PCDHGA5: variants seen among roughly 807,000 people sequenced by gnomAD.
PCDHGA5 encodes the protein protocadherin gamma subfamily A, 5, also known as protocadherin gamma-A5.
A neutral mutation model predicts 56.7 loss-of-function variants in PCDHGA5; 36 were observed. That is an observed-to-expected ratio of 0.64 (90% CI 0.49 to 0.84). The LOEUF (loss-of-function observed/expected upper bound fraction) is 0.84, where lower values mean the gene tolerates loss of function less well. PCDHGA5 is among the 40% of genes least tolerant of loss of function. PCDHGA5 has a pLI of 0.00. For synonymous variants in PCDHGA5, 563 were observed against 520.2 expected, an observed-to-expected ratio of 1.08 and a Z score of -1.12; for missense variants, 1,305 against 1,201.5, an observed-to-expected ratio of 1.09 and a Z score of -1.27.
At chr5:141,468,668 C>T (rs993230755) in intron 1 of PCDHGA5, 1 of 149,910 alleles carries the variant, frequency 6.7e-6, no homozygotes, top group Admixed American at 6.7e-5. Context: ...AGATCAAGAC[C>T]ATCCTGGCTA....
intron 1 of PCDHGA5, chr5:141,390,018 C>A: frequency 2.5e-6 from 4 of 1,614,062 alleles, no homozygotes; most frequent in Non-Finnish European, 3.4e-6. Context: ...CATTGCCTTG[C>A]GCCTGCGACG....
At chr5:141,409,464 C>T in intron 1 of PCDHGA5, 1 of 1,613,940 alleles carries the variant, frequency 6.2e-7, no homozygotes, top group East Asian at 2.2e-5. Context: ...TACAATGTCA[C>T]CATCGTAGCC....
intron 1 of PCDHGA5, chr5:141,404,478 CAG>C (rs749664270): frequency 1.9e-6 from 3 of 1,613,412 alleles, no homozygotes; most frequent in Non-Finnish European, 2.5e-6. Context: ...TCTATTAACT[CAG>C]ACACTGGTGT....
intron 1 of PCDHGA5, chr5:141,410,295 T>G (rs1043971768): frequency 9.3e-6 from 15 of 1,613,864 alleles, no homozygotes; most frequent in Non-Finnish European, 1.3e-5. Context: ...GCCTTGGCCT[T>G]AATCTCAGTG....
intron 1 of PCDHGA5, chr5:141,389,406 G>A (rs1235613335): frequency 1.9e-6 from 3 of 1,613,632 alleles, no homozygotes; most frequent in South Asian, 2.2e-5. Flanking sequence ...CATAAGCGCG[G>A]AGAGCGGGGT....
intron 1 of PCDHGA5, chr5:141,468,629 G>A (rs1170355107): frequency 1.3e-5 from 2 of 152,140 alleles, no homozygotes; most frequent in African/African-American, 4.8e-5. Flanking sequence ...CACTTTGGGA[G>A]GCCGAGGTGG....
chr5:141,487,529 A>G lies in PCDHGA5; in HGVS notation c.2422-7278A>G, dbSNP rs772843725. ...TGCACCCACTCGGAGTGATAGCTTCATGATGGTGAAGTCACCCAGTGCACC... is the reference window on the plus strand; with the variant it reads ...TGCACCCACTCGGAGTGATAGCTTCGTGATGGTGAAGTCACCCAGTGCACC... On this transcript the variant is annotated intron_variant, in intron 1 of 3. Coordinates refer to ENST00000518069, the MANE Select transcript of PCDHGA5 (RefSeq NM_018918.3). The surrounding 1 kb of genome is among the most constrained non-coding windows in gnomAD (Gnocchi z 5.0). The G allele has an allele frequency of 2.0e-5, 32 of 1,614,168 alleles. No individual in the cohort carries two copies. Among genetic ancestry groups the G allele is most frequent in the Non-Finnish European group, 2.5e-5 (29 of 1,180,040 alleles).
Position 141,409,459 on chromosome 5 carries a change from T to C in PCDHGA5, c.2421+42708T>C, listed in dbSNP as rs139792503. On this transcript the variant is annotated intron_variant, in intron 1 of 3. Coordinates refer to ENST00000518069, the MANE Select transcript of PCDHGA5 (RefSeq NM_018918.3). ...ACCGAGAGCAGACACCAGAATACAA[T>C]GTCACCATCGTAGCCACTGACAGGG... 4.9e-3 allele frequency: 7,986 copies of C among 1,613,950 alleles called. 44 individuals are homozygous for C. The highest frequency in any genetic ancestry group is 9.4e-3 in the Admixed American group (567 of 60,028).
Position 141,490,705 on chromosome 5 carries a change from C to T in PCDHGA5, c.2422-4102C>T. 1 of 1,614,194 alleles carries T rather than the reference C, an allele frequency of 6.2e-7. No individual in the cohort carries two copies. Among genetic ancestry groups the T allele is most frequent in the South Asian group, 1.1e-5 (1 of 91,082 alleles). On this transcript the variant is annotated intron_variant, in intron 1 of 3. Coordinates refer to ENST00000518069, the MANE Select transcript of PCDHGA5 (RefSeq NM_018918.3). This position sits in a 1 kb window ranked among gnomAD's most constrained non-coding sequence, Gnocchi z 5.4. ...TCCAGACACTGGGGATAATGCCCGC[C>T]TCACCTACTCCATTGTAGGAAATCA...
In PCDHGA5 at chr5:141,375,919, C is replaced by A. The variant is rs746123042; in HGVS notation, c.2421+9168C>A. Reference sequence around the variant, plus strand: ...TGTCCTACCGCCTGCTCAAGGCCAGCGAGCCAGGACTTTTCTCAGTGGGCC... The same window carrying A: ...TGTCCTACCGCCTGCTCAAGGCCAGAGAGCCAGGACTTTTCTCAGTGGGCC... On this transcript the variant is annotated intron_variant, in intron 1 of 3. Coordinates refer to ENST00000518069, the MANE Select transcript of PCDHGA5 (RefSeq NM_018918.3). 2.5e-5 allele frequency: 40 copies of A among 1,613,612 alleles called. No homozygotes were observed. In the Middle Eastern group the frequency reaches 8.4e-4, roughly 34 times the overall value.
chr5:141,451,860 C>T, intron 1 of PCDHGA5, among the ~76,000 whole-genome samples: 1 of 151,832 alleles, frequency 6.6e-6, no homozygotes, highest in Non-Finnish European at 1.5e-5. Flanking sequence ...CAGCCTAGGC[C>T]ACAGAATGAA....
chr5:141,401,250 GA>G (rs1387561920), intron 1 of PCDHGA5, among the ~76,000 whole-genome samples: 4 of 152,148 alleles, frequency 2.6e-5, no homozygotes, highest in African/African-American at 9.7e-5. Flanking sequence ...GCTAAGACAG[GA>G]GAATTGCTTG....
chr5:141,485,689 G>A lies in PCDHGA5; in HGVS notation c.2422-9118G>A. On this transcript the variant is annotated intron_variant, in intron 1 of 3. Transcript: ENST00000518069. This position sits in a 1 kb window ranked among gnomAD's most constrained non-coding sequence, Gnocchi z 5.7. ...GCAATTCGATTAGCAGCTATAGGCT[G>A]AGCTCCAATGAACACTTTGCACTGG... The A allele has an allele frequency of 6.2e-7, 1 of 1,614,086 alleles. No individual in the cohort carries two copies. The highest frequency in any genetic ancestry group is 8.5e-7 in the Non-Finnish European group (1 of 1,179,970).
chr5:141,386,123 T>C (rs1477033454), intron 1 of PCDHGA5: 1 of 152,112 alleles, frequency 6.6e-6, no homozygotes, highest in African/African-American at 2.4e-5. Flanking sequence ...AAGTGGGAGA[T>C]TGGGGATACT....
rs950537869 is a variant in PCDHGA5, at chr5:141,432,150, A to G, written c.2422-62657A>G. 6.2e-7 allele frequency: 1 copy of G among 1,614,010 alleles called. No homozygotes were observed. On this transcript the variant is annotated intron_variant, in intron 1 of 3. Coordinates refer to ENST00000518069, the MANE Select transcript of PCDHGA5 (RefSeq NM_018918.3). The surrounding 1 kb of genome is among the most constrained non-coding windows in gnomAD (Gnocchi z 6.0). ...TCCTATTCCGCTTATATCCCAGAGA[A>G]CAATCCCAGAGGAGTTTCCCTCGTC...
chr5:141,413,248 GGGATTCCATGGGA>G (rs1349440144), intron 1 of PCDHGA5: 4 of 1,613,844 alleles, frequency 2.5e-6, no homozygotes, highest in Non-Finnish European at 2.5e-6. Context: ...CCTTTTCTTC[GGGATTCCATGGGA>G]GGCTGGAGCC....
chr5:141,372,217 T>A (rs1267940459), intron 1 of PCDHGA5: 1 of 1,613,564 alleles, frequency 6.2e-7, no homozygotes, highest in Admixed American at 1.7e-5. Context: ...TCCTACCACA[T>A]TGTGCAGGCC....
In PCDHGA5 at chr5:141,499,962, A is replaced by G. The variant is rs147527188; in HGVS notation, c.2480+5097A>G. Among the ~76,000 whole-genome samples the G allele has an allele frequency of 3.7e-3, 563 of 152,178 alleles. 5 individuals are homozygous for G. Among genetic ancestry groups the G allele is most frequent in the Admixed American group, 0.011 (164 of 15,288 alleles). On this transcript the variant is annotated intron_variant, in intron 2 of 3. Coordinates refer to ENST00000518069, the MANE Select transcript of PCDHGA5 (RefSeq NM_018918.3). ...CTCGGCCTCCCAAAATGTTGGGATT[A>G]CAGGTGTGAGCCACCTTGCCCGGCC...
chr5:141,367,536 C>CT (rs1376897976), intron 1 of PCDHGA5: 1 of 106,510 alleles, frequency 9.4e-6, no homozygotes, highest in African/African-American at 4.5e-5. Context: ...GACTCCGTCT[C>CT]AAAATAAATA....
Sources: allele counts gnomAD v4.1 joint callset (sites outside exome capture counted in the v4.1 genomes callset), GRCh38; gene constraint gnomAD v4.1.1; non-coding constraint Gnocchi (gnomAD v3.1); transcripts MANE v1.5; gene names NCBI Gene and HGNC (gene_info 2026-07-23, HGNC 2026-07-21).